Variants in LARGE1 observed in about 807,000 individuals in gnomAD.
LARGE1 encodes LARGE xylosyl- and glucuronyltransferase 1.
A neutral mutation model predicts 87.6 loss-of-function variants in LARGE1; 43 were observed. The ratio of observed to expected loss-of-function variants is 0.49; its 90% CI spans 0.38 to 0.63. The LOEUF is 0.63. LARGE1 is among the 30% of genes least tolerant of loss of function. LARGE1 has a pLI of 0.00. For missense variants in LARGE1, 802 were observed against 1,000.2 expected (o/e 0.80, Z 2.67); for synonymous variants, 434 against 394.6 (o/e 1.10, Z -1.18).
chr22:33,211,826 A>C (rs1924979513), intron 11 of LARGE1, among the ~76,000 whole-genome samples: 1 of 152,170 alleles, frequency 6.6e-6, no homozygotes, highest in East Asian at 1.9e-4. Context: ...AAGAAAGCCA[A>C]ACAGCCTTAT....
chr22:33,363,180 T>C (rs1256763278), intron 9 of LARGE1, among the ~76,000 whole-genome samples: 1 of 149,786 alleles, frequency 6.7e-6, no homozygotes, highest in African/African-American at 2.5e-5. Flanking sequence ...CTGTCTACAG[T>C]AGTATCTGCA....
intron 9 of LARGE1, among the ~76,000 whole-genome samples, chr22:33,344,787 G>A (rs1320738135): frequency 1.4e-5 from 2 of 143,396 alleles, no homozygotes; most frequent in African/African-American, 5.2e-5. Context: ...GGTCCCTTGA[G>A]GGAAAGGATC....
chr22:33,451,446 G>A (rs1384902547), intron 6 of LARGE1, among the ~76,000 whole-genome samples: 2 of 151,666 alleles, frequency 1.3e-5, no homozygotes, highest in African/African-American at 4.8e-5. Context: ...CGAGATTTTG[G>A]TGCACCCATC....
intron 1 of LARGE1, among the ~76,000 whole-genome samples, chr22:33,801,719 C>T (rs2086165672): frequency 6.6e-6 from 1 of 152,130 alleles, no homozygotes; most frequent in African/African-American, 2.4e-5. Context: ...CCAGTTCATC[C>T]ATTTTGTTTT....
At chr22:33,696,605 T>G (rs1466758108) in intron 2 of LARGE1, among the ~76,000 whole-genome samples, 1 of 152,168 alleles carries the variant, frequency 6.6e-6, no homozygotes, top group Non-Finnish European at 1.5e-5. Flanking sequence ...ACCATTTATA[T>G]TCCCACCAGT....
intron 7 of LARGE1, among the ~76,000 whole-genome samples, chr22:33,413,679 C>T (rs1421501448): frequency 2.0e-5 from 3 of 152,060 alleles, no homozygotes; most frequent in South Asian, 4.2e-4. Context: ...GCTGGCCAGG[C>T]TGGTCTTGAA....
intron 6 of LARGE1, among the ~76,000 whole-genome samples, chr22:33,484,032 G>A (rs1228520881): frequency 1.3e-5 from 2 of 152,174 alleles, no homozygotes; most frequent in African/African-American, 4.8e-5. Context: ...CGCGACACGG[G>A]CCTCATTGCT....
intron 11 of LARGE1, among the ~76,000 whole-genome samples, chr22:33,243,329 A>G (rs1433304172): frequency 6.6e-6 from 1 of 152,202 alleles, no homozygotes; most frequent in East Asian, 1.9e-4. Context: ...AACTTCTACC[A>G]CTATCAAGAT....
chr22:33,574,494 G>GATAC (rs1211164029), intron 5 of LARGE1, among the ~76,000 whole-genome samples: 1 of 151,624 alleles, frequency 6.6e-6, no homozygotes, highest in African/African-American at 2.4e-5. Flanking sequence ...GGTTGTTTGA[G>GATAC]ATACGTATAG....
chr22:33,798,439 G>C (rs2086056544), intron 1 of LARGE1, among the ~76,000 whole-genome samples: 1 of 152,146 alleles, frequency 6.6e-6, no homozygotes, highest in Non-Finnish European at 1.5e-5. Context: ...ATGATGAAAT[G>C]TACAAGTTAA....
At chr22:33,871,684 CACAT>C (rs1210287247) in intron 1 of LARGE1, among the ~76,000 whole-genome samples, 1 of 152,172 alleles carries the variant, frequency 6.6e-6, no homozygotes, top group Non-Finnish European at 1.5e-5. Context: ...CACACACACA[CACAT>C]ACTCCTCTGT....
chr22:33,836,240 G>A (rs967545976), intron 1 of LARGE1, among the ~76,000 whole-genome samples: 2 of 152,176 alleles, frequency 1.3e-5, no homozygotes, highest in African/African-American at 4.8e-5. Flanking sequence ...GTTGATCCTA[G>A]GGGAGCTCTC....
At chr22:33,239,534 T>C (rs939378734) in intron 11 of LARGE1, among the ~76,000 whole-genome samples, 1 of 130,292 alleles carries the variant, frequency 7.7e-6, no homozygotes, top group African/African-American at 2.9e-5. Flanking sequence ...TTTTTTCTTT[T>C]CTTTTTTTTT....
At chr22:33,518,861 C>G (rs1490575923) in intron 6 of LARGE1, among the ~76,000 whole-genome samples, 1 of 152,090 alleles carries the variant, frequency 6.6e-6, no homozygotes, top group Non-Finnish European at 1.5e-5. Flanking sequence ...TCCTGACATA[C>G]ATCAAAAGAG....
At chr22:33,622,628 T>G (rs976368835) in intron 4 of LARGE1, among the ~76,000 whole-genome samples, 1 of 152,204 alleles carries the variant, frequency 6.6e-6, no homozygotes, top group African/African-American at 2.4e-5. Context: ...CACTGGGCTG[T>G]ACGTAAGGCA....
intron 1 of LARGE1, among the ~76,000 whole-genome samples, chr22:33,780,929 A>T (rs1243975121): frequency 6.6e-6 from 1 of 152,238 alleles, no homozygotes; most frequent in Non-Finnish European, 1.5e-5. Context: ...ACTCTGGTTA[A>T]TAAGTGCTAG....
At chr22:33,745,822 G>A (rs73170569) in intron 2 of LARGE1, among the ~76,000 whole-genome samples, 8 of 152,178 alleles carry the variant, frequency 5.3e-5, no homozygotes, top group East Asian at 1.9e-4. Context: ...TGGAAGTTCC[G>A]ACCTAGTACA....
At chr22:33,670,759 T>A (rs1490336604) in intron 2 of LARGE1, among the ~76,000 whole-genome samples, 3 of 152,188 alleles carry the variant, frequency 2.0e-5, no homozygotes, top group Admixed American at 2.0e-4. Context: ...ATTCCAGAGT[T>A]TGAAAAATTG....
intron 9 of LARGE1, among the ~76,000 whole-genome samples, chr22:33,339,814 A>G (rs9680610): frequency 0.13 from 19,965 of 152,046 alleles, 2,701 homozygotes; most frequent in African/African-American, 0.35. Flanking sequence ...GACCAGGCAC[A>G]TGCCACTATG....
Sources: gnomAD v4.1 joint callset for allele counts (sites outside exome capture counted in the v4.1 genomes callset) on GRCh38, gnomAD v4.1.1 for gene constraint, MANE v1.5 for transcripts, NCBI Gene and HGNC (gene_info 2026-07-23, HGNC 2026-07-21) for gene names.